Variants in PPM1L observed in about 807,000 individuals in gnomAD.
PPM1L encodes protein phosphatase, Mg2+/Mn2+ dependent 1L.
A neutral mutation model predicts 31.4 loss-of-function variants in PPM1L; 13 were observed. That is an observed-to-expected ratio of 0.41 (90% CI 0.27 to 0.66). PPM1L has a LOEUF of 0.66. Among genes scored for constraint, PPM1L ranks in the 30% least tolerant of loss-of-function variants. The pLI is 0.29. For missense variants in PPM1L, 326 were observed against 453.7 expected (o/e 0.72, Z 2.56); for synonymous variants, 184 against 175.4 (o/e 1.05, Z -0.39).
chr3:161,068,707 C>T lies in PPM1L; in HGVS notation c.737-104C>T, dbSNP rs1719817013. 1.5e-5 allele frequency: 14 copies of T among 912,550 alleles called. No homozygotes were observed. In the South Asian group the frequency reaches 1.9e-4, roughly 12 times the overall value. 56.5% of individuals were successfully genotyped at this position (912,550 alleles called of 1,614,324 possible). ...TGGGGTTAAGGGGAGTGCCCACAGC[C>T]CAGTTCACATGAAGTAGGTCACCCT... On this transcript the variant is annotated intron_variant, in intron 3 of 3. Transcript: ENST00000498165.
intron 2 of PPM1L, among the ~76,000 whole-genome samples, chr3:161,017,719 A>G (rs1432523758): frequency 1.3e-5 from 2 of 152,188 alleles, no homozygotes; most frequent in Non-Finnish European, 2.9e-5. Flanking sequence ...GCCTGTTTTT[A>G]TAAGAATAAA....
chr3:160,884,035 A>C lies in PPM1L; in HGVS notation c.400-77701A>C, dbSNP rs367739425. ...CCACGAGCTGTGATTGAGCCACTGC[A>C]CTCCAGCCTGGGAGACAGAGTGAGA... On this transcript the variant is annotated intron_variant, in intron 1 of 3. Coordinates refer to ENST00000498165, the MANE Select transcript of PPM1L (RefSeq NM_139245.4). Among the ~76,000 whole-genome samples, 8 of 151,784 alleles carry C rather than the reference A, an allele frequency of 5.3e-5. No individual in the cohort carries two copies. In the East Asian group the frequency reaches 7.7e-4, roughly 15 times the overall value.
At chr3:160,819,259 T>C (rs1713119778) in intron 1 of PPM1L, among the ~76,000 whole-genome samples, 1 of 152,010 alleles carries the variant, frequency 6.6e-6, no homozygotes, top group Non-Finnish European at 1.5e-5. Flanking sequence ...CACCCTGAAA[T>C]GTGTGGAATG....
intron 1 of PPM1L, among the ~76,000 whole-genome samples, chr3:160,838,320 C>T (rs1713777902): frequency 6.6e-6 from 1 of 152,080 alleles, no homozygotes; most frequent in South Asian, 2.1e-4. Flanking sequence ...GTAAAACCAA[C>T]TCATAGTGGA....
At chr3:161,058,446 A>T (rs1367555738) in intron 2 of PPM1L, among the ~76,000 whole-genome samples, 1 of 151,826 alleles carries the variant, frequency 6.6e-6, no homozygotes, top group Non-Finnish European at 1.5e-5. Flanking sequence ...TTATTACTAA[A>T]GTAACAATTT....
intron 2 of PPM1L, among the ~76,000 whole-genome samples, chr3:161,005,086 A>G (rs956211129): frequency 6.6e-6 from 1 of 151,920 alleles, no homozygotes; most frequent in African/African-American, 2.4e-5. Context: ...TTCTGCCTTC[A>G]TTTTGTTATT....
At chr3:161,015,622 T>C (rs1363177121) in intron 2 of PPM1L, among the ~76,000 whole-genome samples, 2 of 152,224 alleles carry the variant, frequency 1.3e-5, no homozygotes, top group Non-Finnish European at 2.9e-5. Flanking sequence ...TTCTGTTTCA[T>C]GTCAGAATAA....
intron 1 of PPM1L, among the ~76,000 whole-genome samples, chr3:160,883,619 C>A (rs1300324279): frequency 3.3e-5 from 5 of 151,952 alleles, no homozygotes; most frequent in Non-Finnish European, 5.9e-5. Context: ...TGCTGCCTAC[C>A]TCCAGTAGGA....
At chr3:160,938,911 A>G (rs573505886) in intron 1 of PPM1L, among the ~76,000 whole-genome samples, 1 of 152,270 alleles carries the variant, frequency 6.6e-6, no homozygotes, top group South Asian at 2.1e-4. Flanking sequence ...AGCATGCCTT[A>G]CCCACTTCTA....
chr3:160,939,229 C>G (rs1048748198), intron 1 of PPM1L, among the ~76,000 whole-genome samples: 6 of 152,144 alleles, frequency 3.9e-5, no homozygotes, highest in African/African-American at 1.4e-4. Flanking sequence ...TTCCCTTCCC[C>G]TCCAAACACA....
At chr3:160,797,482 A>C (rs1164869746) in intron 1 of PPM1L, among the ~76,000 whole-genome samples, 1 of 152,204 alleles carries the variant, frequency 6.6e-6, no homozygotes, top group African/African-American at 2.4e-5. Context: ...GAAGAATCCC[A>C]CGTCTCTCAC....
intron 1 of PPM1L, among the ~76,000 whole-genome samples, chr3:160,954,021 T>G (rs1715654318): frequency 6.6e-6 from 1 of 152,208 alleles, no homozygotes; most frequent in South Asian, 2.1e-4. Context: ...ATTGCCATCT[T>G]TGTAAAAAAT....
Position 161,075,046 on chromosome 3 carries a change from T to C in PPM1L, c.*5889T>C, listed in dbSNP as rs1414125480. On this transcript the variant is annotated 3_prime_UTR_variant, in exon 4 of 4. Coordinates refer to ENST00000498165, the MANE Select transcript of PPM1L (RefSeq NM_139245.4). Reference sequence around the variant, plus strand: ...TTACTGTAAGGGCACTGGTGGCAGATTGTGGTGGAGAGAGGGCTGAGTGAC... The same window carrying C: ...TTACTGTAAGGGCACTGGTGGCAGACTGTGGTGGAGAGAGGGCTGAGTGAC... 3.3e-5 allele frequency: 5 copies of C among 152,110 alleles called. No individual in the cohort carries two copies. Among genetic ancestry groups the C allele is most frequent in the African/African-American group, 7.2e-5 (3 of 41,420 alleles). The allele number at this position is 152,110 out of a possible 1,614,324, so 9.4% of individuals were successfully genotyped here.
At chr3:160,880,592 A>G (rs953434876) in intron 1 of PPM1L, among the ~76,000 whole-genome samples, 1 of 151,878 alleles carries the variant, frequency 6.6e-6, no homozygotes, top group Non-Finnish European at 1.5e-5. Flanking sequence ...ATGTGTTCCT[A>G]CCAAATCATA....
At position 160,766,283 on chromosome 3, in the gene PPM1L, T is replaced by C. The variant is rs138564906; in HGVS notation, c.399+9576T>C. 3.4e-3 allele frequency among the ~76,000 whole-genome samples: 524 copies of C among 152,326 alleles called. 1 individual carries two copies. Among genetic ancestry groups the C allele is most frequent in the Middle Eastern group, 0.014 (4 of 294 alleles). On this transcript the variant is annotated intron_variant, in intron 1 of 3. Transcript: ENST00000498165. ...AAAAGCTGCTTAAAAAGTGAAGATATATGATATGGTCTGGGTCTGGGTCCC... is the reference window on the plus strand; with the variant it reads ...AAAAGCTGCTTAAAAAGTGAAGATACATGATATGGTCTGGGTCTGGGTCCC...
intron 1 of PPM1L, among the ~76,000 whole-genome samples, chr3:160,944,812 A>ATATATAACATATATGT (rs1715292379): frequency 1.1e-4 from 2 of 18,042 alleles, no homozygotes; most frequent in African/African-American, 2.8e-4. Context: ...CATATATAAC[A>ATATATAACATATATGT]TATATATGTT....
At chr3:160,951,026 CTTT>C (rs1715561047) in intron 1 of PPM1L, among the ~76,000 whole-genome samples, 1 of 152,218 alleles carries the variant, frequency 6.6e-6, no homozygotes, top group South Asian at 2.1e-4. Context: ...ACAAATATTA[CTTT>C]TCATTTTTCT....
At chr3:160,873,152 G>T (rs1017299484) in intron 1 of PPM1L, among the ~76,000 whole-genome samples, 4 of 152,128 alleles carry the variant, frequency 2.6e-5, no homozygotes, top group Non-Finnish European at 5.9e-5. Flanking sequence ...CTGTTACAGG[G>T]TAGCTAACTT....
At position 160,808,377 on chromosome 3, in the gene PPM1L, A is replaced by T. The variant is rs562184705; in HGVS notation, c.399+51670A>T. ...GCTTCATAAGAGCTGCAGTGCCAGG[A>T]TTTTCCTGTGTGTGTGTGTGTGTGT... On this transcript the variant is annotated intron_variant, in intron 1 of 3. Coordinates refer to ENST00000498165, the MANE Select transcript of PPM1L (RefSeq NM_139245.4). Among the ~76,000 whole-genome samples, 578 of 90,704 alleles carry T rather than the reference A, an allele frequency of 6.4e-3. 24 individuals carry two copies. The highest frequency in any genetic ancestry group is 0.032 in the African/African-American group (552 of 17,074). The allele number at this position is 90,704 out of a possible 152,430, so 59.5% of individuals were successfully genotyped here.
Sources: allele counts gnomAD v4.1 joint callset (sites outside exome capture counted in the v4.1 genomes callset), GRCh38; gene constraint gnomAD v4.1.1; transcripts MANE v1.5; gene names NCBI Gene and HGNC (gene_info 2026-07-23, HGNC 2026-07-21).